Variants in OCEL1 observed in about 807,000 individuals in gnomAD.
OCEL1 encodes the protein occludin/ELL domain containing 1.
Under a neutral mutation model 29.4 loss-of-function variants are expected in OCEL1, and 24 were observed. That is an observed-to-expected ratio of 0.82 (90% CI 0.59 to 1.15). The LOEUF is 1.15. Ranked by LOEUF, OCEL1 falls within the 50% of genes most tolerant of loss-of-function variation. The probability of loss-of-function intolerance (pLI) is 0.00; values close to 1 mark genes in which losing one functional copy is unlikely to be tolerated. For synonymous variants in OCEL1, 172 were observed against 145.3 expected, an observed-to-expected ratio of 1.18 and a Z score of -1.32; for missense variants, 402 against 352.5, an observed-to-expected ratio of 1.14 and a Z score of -1.13.
intron 5 of OCEL1, 121 bp from the exon 6 acceptor site, chr19:17,228,682 C>T (rs1301948169): frequency 4.3e-6 from 6 of 1,383,478 alleles, no homozygotes; most frequent in East Asian, 4.9e-5. Context: ...CTCACCCGGT[C>T]GCCTGTGCCC....
chr19:17,228,653 C>T (rs1458084704), intron 5 of OCEL1, 150 bp from the exon 6 acceptor site: 1 of 1,059,610 alleles, frequency 9.4e-7, no homozygotes, highest in African/African-American at 1.6e-5. Context: ...GGATTACAGG[C>T]ATGAGCCACC....
rs139133339 is a variant in OCEL1, at chr19:17,228,907, G to A, written c.777G>A (p.Glu259=). The change falls in exon 6 of 6, where the codon GAG becomes GAA. Residue 259 remains glutamate, a synonymous_variant. Transcript: ENST00000215061. ...AATTCGATGACCAAGGAGACAGCGA[G>A]GGCTCCGTGTACTTCTAAGTGCCCC... ...IQKFDDQGDS[E]GSVYF The A allele has an allele frequency of 2.5e-6, 4 of 1,613,086 alleles. No homozygotes were observed. The highest frequency in any genetic ancestry group is 2.7e-5 in the African/African-American group (2 of 74,924).
Position 17,229,026 on chromosome 19 carries a change from C to A in OCEL1, c.*101C>A. The A allele has an allele frequency of 1.4e-6, 2 of 1,393,600 alleles. No individual in the cohort carries two copies. The highest frequency in any genetic ancestry group is 9.7e-7 in the Non-Finnish European group (1 of 1,031,580). The allele number at this position is 1,393,600 out of a possible 1,614,324, so 86.3% of individuals were successfully genotyped here. A position where few individuals can be genotyped will look rare whatever the true frequency, so the allele number is the denominator to read the frequency against. ...TCTTGCAGCTCCCCCTACCAGGGGT[C>A]GCTTTCTCCTGGATTGCAAATGCCT... On this transcript the variant is annotated 3_prime_UTR_variant, in exon 6 of 6. Coordinates refer to ENST00000215061, the MANE Select transcript of OCEL1 (RefSeq NM_024578.3).
At chr19:17,228,552 G>C (rs1447514334) in intron 5 of OCEL1, 3 of 594,240 alleles carry the variant, frequency 5.0e-6, no homozygotes, top group Non-Finnish European at 5.8e-6. Context: ...TTTTGTATTT[G>C]TAGTAGAGAT....
chr19:17,226,394 C>G (rs2073359469), intron 1 of OCEL1, 78 bp downstream of exon 1: 8 of 1,519,632 alleles, frequency 5.3e-6, no homozygotes, highest in Non-Finnish European at 6.3e-6. Flanking sequence ...GCGCGGTCGT[C>G]TGTGGGCTCT....
rs201691896 is a variant in OCEL1 at position 17,228,904 on chromosome 19, C to A, written c.774C>A (p.Ser258Arg). ...QIQKFDDQGD[S>R]EGSVYF is the part of the protein sequence containing the mutation. ...AGAAATTCGATGACCAAGGAGACAG[C>A]GAGGGCTCCGTGTACTTCTAAGTGC... Residue 258 changes from serine to arginine, a missense_variant, in exon 6 of 6, where the codon AGC becomes AGA. Coordinates refer to ENST00000215061, the MANE Select transcript of OCEL1 (RefSeq NM_024578.3). 3.1e-6 allele frequency: 5 copies of A among 1,613,094 alleles called. No individual in the cohort carries two copies. Among genetic ancestry groups the A allele is most frequent in the Non-Finnish European group, 4.2e-6 (5 of 1,179,652 alleles).
At chr19:17,228,054 G>T in intron 4 of OCEL1, 49 bp downstream of exon 4, 3 of 1,595,880 alleles carry the variant, frequency 1.9e-6, no homozygotes, top group East Asian at 2.2e-5. Context: ...TGAGTGGCCC[G>T]ACCCAAGCCT....
In OCEL1 at chr19:17,228,930, C is replaced by T. The variant is rs752850203; in HGVS notation, c.*5C>T. On this transcript the variant is annotated 3_prime_UTR_variant, in exon 6 of 6. Coordinates refer to ENST00000215061, the MANE Select transcript of OCEL1 (RefSeq NM_024578.3). ...GAGGGCTCCGTGTACTTCTAAGTGC[C>T]CCTGCAGATGGGCAGAGGGATGCAT... The T allele has an allele frequency of 2.5e-6, 4 of 1,611,528 alleles. No individual in the cohort carries two copies. Among genetic ancestry groups the T allele is most frequent in the Middle Eastern group, 1.7e-4 (1 of 6,034 alleles).
At chr19:17,226,935 T>G in intron 2 of OCEL1, 59 bp from the exon 3 acceptor site, 1 of 1,528,294 alleles carries the variant, frequency 6.5e-7, no homozygotes, top group African/African-American at 1.4e-5. Context: ...CCCTCCAGTT[T>G]GAGGGACTCC....
At position 17,226,270 on chromosome 19, in the gene OCEL1, C is replaced by T; in HGVS notation, c.23C>T (p.Ala8Val). The change falls in exon 1 of 6, where the codon GCC becomes GTC. Residue 8 changes from alanine (A) to valine (V), a missense_variant. Ala to Val is a moderately conservative substitution (Grantham distance 64). Coordinates refer to ENST00000215061, the MANE Select transcript of OCEL1 (RefSeq NM_024578.3). MHNPDGSASPTADPGSEL... is the reference protein window; with the variant it reads MHNPDGSVSPTADPGSEL... ...TAAATGCACAACCCGGACGGAAGTG[C>T]CTCTCCGACAGCAGATCCAGGCTCG... 2 of 1,612,224 alleles carry T rather than the reference C, an allele frequency of 1.2e-6. No individual in the cohort carries two copies. The highest frequency in any genetic ancestry group is 8.5e-7 in the Non-Finnish European group (1 of 1,179,484).
Position 17,226,707 on chromosome 19 carries a change from A to G in OCEL1, c.84A>G (p.Pro28=). The G allele has an allele frequency of 6.7e-7, 1 of 1,487,980 alleles. No homozygotes were observed. The highest frequency in any genetic ancestry group is 2.5e-5 in the East Asian group (1 of 39,780). 92.2% of individuals were successfully genotyped at this position (1,487,980 alleles called of 1,614,324 possible). Residue 28 remains proline (P), a synonymous_variant, in exon 2 of 6, where the codon CCA becomes CCG. Coordinates refer to ENST00000215061, the MANE Select transcript of OCEL1 (RefSeq NM_024578.3). ...LQTLGQAARR[P]PPPRAGHDAP... is the part of the protein sequence containing the mutation. ...TCCACCCACAGGCCGCCCGCAGACCACCCCCGCCGCGCGCGGGACACGACG... is the reference window on the plus strand; with the variant it reads ...TCCACCCACAGGCCGCCCGCAGACCGCCCCCGCCGCGCGCGGGACACGACG...
At position 17,227,222 on chromosome 19, in the gene OCEL1, T is replaced by C. The variant is rs760002229; in HGVS notation, c.452+23T>C. ...GCTGTGAGTGTCCCCCATGTGATTC[T>C]TCATGCCTGGGATCAGGAGAGGGGC... is the stretch of plus-strand genomic sequence containing the variant. On this transcript the variant is annotated intron_variant, in intron 3 of 5. Transcript: ENST00000215061. The C allele has an allele frequency of 4.8e-6, 7 of 1,466,640 alleles. No individual in the cohort carries two copies. The African/African-American group carries it at 1.0e-4, about 21-fold the overall frequency. 90.9% of individuals were successfully genotyped at this position (1,466,640 alleles called of 1,614,324 possible). A position where few individuals can be genotyped will look rare whatever the true frequency, so the allele number is the denominator to read the frequency against.
rs149799880 is a variant in OCEL1 at position 17,228,908 on chromosome 19, G to A, written c.778G>A (p.Gly260Ser). The A allele has an allele frequency of 6.2e-7, 1 of 1,613,056 alleles. No homozygotes were observed. Among genetic ancestry groups the A allele is most frequent in the Non-Finnish European group, 8.5e-7 (1 of 1,179,742 alleles). The change falls in exon 6 of 6, where the codon GGC (glycine) becomes AGC (serine). Residue 260 changes from glycine (G) to serine (S), a missense_variant. Transcript: ENST00000215061. ...ATTCGATGACCAAGGAGACAGCGAG[G>A]GCTCCGTGTACTTCTAAGTGCCCCT... ...QKFDDQGDSE[G>S]SVYF
At chr19:17,228,509 G>A in intron 5 of OCEL1, 200 bp downstream of exon 5, 1 of 630,746 alleles carries the variant, frequency 1.6e-6, no homozygotes, top group Non-Finnish European at 2.7e-6. Context: ...CCTCAGCTGG[G>A]ATCACAGGCG....
At chr19:17,228,772 T>C (rs770762109) in intron 5 of OCEL1, 31 bp from the exon 6 acceptor site, 2 of 1,608,636 alleles carry the variant, frequency 1.2e-6, no homozygotes, top group Admixed American at 3.3e-5. Context: ...GGCAGACTGC[T>C]GCAAAGACTT....
chr19:17,227,093 T>A lies in OCEL1; in HGVS notation c.346T>A (p.Phe116Ile). The change falls in exon 3 of 6, where the codon TTT (phenylalanine) becomes ATT (isoleucine). Residue 116 changes from phenylalanine (F) to isoleucine (I), a missense_variant. Physicochemically the swap from Phe to Ile is conservative, Grantham distance 21. Transcript: ENST00000215061. ...PHKAKTKKIV[F>I]EDELLSQALL... ...CAAGGCAAAGACCAAGAAGATTGTG[T>A]TTGAGGATGAGTTGCTCTCCCAGGC... 1 of 1,608,558 alleles carries A rather than the reference T, an allele frequency of 6.2e-7. No individual in the cohort carries two copies. Among genetic ancestry groups the A allele is most frequent in the Non-Finnish European group, 8.5e-7 (1 of 1,178,912 alleles).
chr19:17,228,117 C>A, intron 4 of OCEL1, 112 bp downstream of exon 4: 1 of 1,536,284 alleles, frequency 6.5e-7, no homozygotes, highest in Non-Finnish European at 8.9e-7. Context: ...TCTCGGTTGG[C>A]TGGGCGCCGT....
In OCEL1 at chr19:17,227,048, C is replaced by G. The variant is rs2073368270; in HGVS notation, c.301C>G (p.Gln101Glu). 1.2e-6 allele frequency: 2 copies of G among 1,608,740 alleles called. No individual in the cohort carries two copies. The highest frequency in any genetic ancestry group is 2.3e-5 in the East Asian group (1 of 44,370). Reference sequence around the variant, plus strand: ...AACCAGCGCCCCCCGCCCTCCGTGCCAGCCCCAGCCGGGACCCCACAAGGC... The same window carrying G: ...AACCAGCGCCCCCCGCCCTCCGTGCGAGCCCCAGCCGGGACCCCACAAGGC... ...LKTSAPRPPC[Q>E]PQPGPHKAKT... Residue 101 changes from glutamine to glutamate, a missense_variant, in exon 3 of 6, where the codon CAG becomes GAG. Transcript: ENST00000215061.
chr19:17,228,687 G>C, intron 5 of OCEL1, 116 bp from the exon 6 acceptor site: 1 of 1,445,948 alleles, frequency 6.9e-7, no homozygotes, highest in Admixed American at 2.2e-5. Flanking sequence ...CCGGTCGCCT[G>C]TGCCCAGTTT....
Sources: gnomAD v4.1 joint callset for allele counts on GRCh38, gnomAD v4.1.1 for gene constraint, MANE v1.5 for transcripts, NCBI Gene and HGNC (gene_info 2026-07-23, HGNC 2026-07-21) for gene names.